The following LRRC8A variants were observed in gnomAD, a reference collection of about 807,000 sequenced individuals.
LRRC8A encodes volume-regulated anion channel subunit LRRC8A.
A neutral mutation model predicts 52.5 loss-of-function variants in LRRC8A; 24 were observed. That is an observed-to-expected ratio of 0.46 (90% CI 0.33 to 0.64). LRRC8A has a LOEUF of 0.64. LRRC8A is among the 30% of genes least tolerant of loss of function. The pLI, the probability that LRRC8A is intolerant of heterozygous loss-of-function variation, is 0.02. For missense variants in LRRC8A, 677 were observed against 1,094.7 expected (o/e 0.62, Z 5.38); for synonymous variants, 492 against 494.2 (o/e 1.00, Z 0.06).
At position 128,892,455 on chromosome 9, in the gene LRRC8A, G is replaced by T. The variant is rs1839661855; in HGVS notation, c.-9+6334G>T. Among the ~76,000 whole-genome samples the T allele has an allele frequency of 6.6e-6, 1 of 152,214 alleles. No homozygotes were observed. Among genetic ancestry groups the T allele is most frequent in the South Asian group, 2.1e-4 (1 of 4,836 alleles). On this transcript the variant is annotated intron_variant, in intron 2 of 3. Coordinates refer to ENST00000372600, the MANE Select transcript of LRRC8A (RefSeq NM_019594.4). The surrounding 1 kb of genome is among the most constrained non-coding windows in gnomAD (Gnocchi z 5.2). ...TGGGAGCCCAGCCCAGGTGAGAGCA[G>T]TTTGGAACTGACCCGTGCTCCCCTC...
In LRRC8A at chr9:128,908,440, G is replaced by A. The variant is rs996546896; in HGVS notation, c.1276G>A (p.Asp426Asn). The A allele has an allele frequency of 1.2e-6, 2 of 1,613,438 alleles. No homozygotes were observed. The highest frequency in any genetic ancestry group is 1.3e-5 in the African/African-American group (1 of 75,062). Residue 426 changes from aspartate to asparagine, a missense_variant, in exon 3 of 4, where the codon GAC (aspartate) becomes AAC (asparagine). This residue lies in a region of LRRC8A where 422 missense variants were observed against 741.5 expected (regional missense o/e 0.57). Transcript: ENST00000372600. Reference sequence around the variant, plus strand: ...GCAGCGGCTCACCAAGAACGCGCAGGACAAGCTGGAGCTGCACCTGTTCAT... The same window carrying A: ...GCAGCGGCTCACCAAGAACGCGCAGAACAAGCTGGAGCTGCACCTGTTCAT... ...LRQRLTKNAQ[D>N]KLELHLFMLS...
chr9:128,912,884 ATGG>A (rs1840619810), intron 3 of LRRC8A: 1 of 152,094 alleles, frequency 6.6e-6, no homozygotes, highest in African/African-American at 2.4e-5. Context: ...ACGGGAGTTG[ATGG>A]TGGGGGTGGT....
chr9:128,898,574 C>T (rs970414434), intron 2 of LRRC8A, among the ~76,000 whole-genome samples: 4 of 152,366 alleles, frequency 2.6e-5, no homozygotes, highest in Admixed American at 2.0e-4. Context: ...TCTCCACTTC[C>T]TGTTCACATC....
rs776483151 is a variant in LRRC8A, at chr9:128,899,314, C to T, written c.-8-7843C>T. The stretch of plus-strand genomic sequence containing the variant: ...AAGGCAGAGATAGCCCAGCCACCCC[C>T]ACCCCACGCCTCAAAGGCTCCCTTC... On this transcript the variant is annotated intron_variant, in intron 2 of 3. Transcript: ENST00000372600. The surrounding 1 kb of genome is among the most constrained non-coding windows in gnomAD (Gnocchi z 4.0). 6.6e-6 allele frequency among the ~76,000 whole-genome samples: 1 copy of T among 152,062 alleles called. No homozygotes were observed. The highest frequency in any genetic ancestry group is 1.9e-4 in the East Asian group (1 of 5,162).
intron 2 of LRRC8A, among the ~76,000 whole-genome samples, chr9:128,890,030 T>G (rs1369770446): frequency 6.6e-6 from 1 of 152,024 alleles, no homozygotes; most frequent in Non-Finnish European, 1.5e-5. Flanking sequence ...CTCGAACTCC[T>G]GACCTCAGGT....
chr9:128,913,399 G>A (rs1009365589), intron 3 of LRRC8A, among the ~76,000 whole-genome samples: 1 of 152,162 alleles, frequency 6.6e-6, no homozygotes, highest in Non-Finnish European at 1.5e-5. Context: ...AAGTCTCTGG[G>A]GAGGTAGGAG....
Position 128,908,638 on chromosome 9 carries a change from C to T in LRRC8A, c.1474C>T (p.Arg492Cys), listed in dbSNP as rs766833840. Residue 492 changes from arginine to cysteine, a missense_variant, in exon 3 of 4, where the codon CGT (arginine) becomes TGT (cysteine). Arg to Cys is a radical substitution (Grantham distance 180). This residue lies in a region of LRRC8A where 422 missense variants were observed against 741.5 expected (regional missense o/e 0.57). Transcript: ENST00000372600. Reference sequence around the variant, plus strand: ...TGAAGCGCCCGCGCTGGCCTTCCTGCGTGAGAACCTGCGGGCGCTGCACAT... The same window carrying T: ...TGAAGCGCCCGCGCTGGCCTTCCTGTGTGAGAACCTGCGGGCGCTGCACAT... ...KIEAPALAFL[R>C]ENLRALHIKF... is the part of the protein sequence containing the mutation. 1.9e-6 allele frequency: 3 copies of T among 1,612,676 alleles called. No homozygotes were observed. Among genetic ancestry groups the T allele is most frequent in the South Asian group, 1.1e-5 (1 of 91,066 alleles).
intron 2 of LRRC8A, among the ~76,000 whole-genome samples, chr9:128,889,053 C>G (rs1461986476): frequency 6.6e-6 from 1 of 152,120 alleles, no homozygotes; most frequent in Non-Finnish European, 1.5e-5. Context: ...ACAGACCAAG[C>G]CCCAGAGGGA....
intron 3 of LRRC8A, among the ~76,000 whole-genome samples, chr9:128,910,309 A>T (rs570409582): frequency 2.0e-5 from 3 of 152,156 alleles, no homozygotes; most frequent in Non-Finnish European, 4.4e-5. Flanking sequence ...CCAGCCAGCC[A>T]CCCTTCTGCC....
At chr9:128,901,590 G>A (rs925023546) in intron 2 of LRRC8A, among the ~76,000 whole-genome samples, 6 of 152,150 alleles carry the variant, frequency 3.9e-5, no homozygotes, top group African/African-American at 9.7e-5. Context: ...GCAAGACCCC[G>A]TCCCATTTAA....
rs996546896 is a variant in LRRC8A at position 128,908,440 on chromosome 9, G to C, written c.1276G>C (p.Asp426His). The C allele has an allele frequency of 6.2e-7, 1 of 1,613,438 alleles. No homozygotes were observed. The highest frequency in any genetic ancestry group is 8.5e-7 in the Non-Finnish European group (1 of 1,180,038). ...LRQRLTKNAQDKLELHLFMLS... is the reference protein window; with the variant it reads ...LRQRLTKNAQHKLELHLFMLS... ...GCAGCGGCTCACCAAGAACGCGCAG[G>C]ACAAGCTGGAGCTGCACCTGTTCAT... is the stretch of plus-strand genomic sequence containing the variant. Residue 426 changes from aspartate (D) to histidine (H), a missense_variant, in exon 3 of 4, where the codon GAC becomes CAC. This residue lies in a region of LRRC8A where 422 missense variants were observed against 741.5 expected (regional missense o/e 0.57). Coordinates refer to ENST00000372600, the MANE Select transcript of LRRC8A (RefSeq NM_019594.4).
chr9:128,898,480 C>T (rs1438487259), intron 2 of LRRC8A, among the ~76,000 whole-genome samples: 1 of 152,220 alleles, frequency 6.6e-6, no homozygotes, highest in Non-Finnish European at 1.5e-5. Context: ...CCCAACTTAA[C>T]TCTCGAATGC....
In LRRC8A at chr9:128,882,906, C is replaced by G. The variant is rs1839155196; in HGVS notation, c.-116+656C>G. ...AGTGAGGTCCAGGCCTGGTGCAGCC[C>G]TAGGTGAGCTGGATACCCAGCAAAC... On this transcript the variant is annotated intron_variant, in intron 1 of 3. Coordinates refer to ENST00000372600, the MANE Select transcript of LRRC8A (RefSeq NM_019594.4). The G allele has an allele frequency of 3.0e-5, 12 of 397,804 alleles. No individual in the cohort carries two copies. In the East Asian group the frequency reaches 4.3e-4, roughly 14 times the overall value. The allele number at this position is 397,804 out of a possible 1,614,324, so 24.6% of individuals were successfully genotyped here.
chr9:128,906,549 C>G (rs1354136520), intron 2 of LRRC8A, among the ~76,000 whole-genome samples: 1 of 152,118 alleles, frequency 6.6e-6, no homozygotes, highest in African/African-American at 2.4e-5. Flanking sequence ...TCTTGAACTT[C>G]TGACTTCAGG....
intron 2 of LRRC8A, among the ~76,000 whole-genome samples, chr9:128,895,621 G>T (rs1839793054): frequency 6.6e-6 from 1 of 152,178 alleles, no homozygotes; most frequent in Admixed American, 6.5e-5. Flanking sequence ...GCTGCCTTGT[G>T]GGAAGGGCCT....
At chr9:128,888,667 A>G (rs1281081267) in intron 2 of LRRC8A, among the ~76,000 whole-genome samples, 1 of 152,104 alleles carries the variant, frequency 6.6e-6, no homozygotes, top group Non-Finnish European at 1.5e-5. Context: ...CAGGCGTGGC[A>G]GCCTCGTTTT....
chr9:128,888,411 C>T (rs1217624534), intron 2 of LRRC8A, among the ~76,000 whole-genome samples: 1 of 152,126 alleles, frequency 6.6e-6, no homozygotes, highest in African/African-American at 2.4e-5. Context: ...GAGTCTGAGC[C>T]ATTGTTCTCC....
rs762650089 is a variant in LRRC8A, at chr9:128,883,696, C to T, written c.-116+1446C>T. Among the ~76,000 whole-genome samples the T allele has an allele frequency of 3.8e-4, 58 of 152,228 alleles. 1 individual carries two copies. The highest frequency in any genetic ancestry group is 1.3e-3 in the African/African-American group (56 of 41,540). ...GGGTACAGAGCAGGGGGTGCAGGGCCGGGCGTGGTGGCTCACGCCTGTAAT... is the reference window on the plus strand; with the variant it reads ...GGGTACAGAGCAGGGGGTGCAGGGCTGGGCGTGGTGGCTCACGCCTGTAAT... On this transcript the variant is annotated intron_variant, in intron 1 of 3. Transcript: ENST00000372600.
At chr9:128,897,286 C>T (rs1839854388) in intron 2 of LRRC8A, among the ~76,000 whole-genome samples, 2 of 152,058 alleles carry the variant, frequency 1.3e-5, no homozygotes, top group Admixed American at 6.6e-5. Context: ...GATCTTGGCT[C>T]ACTGTAGCCT....
Sources: gnomAD v4.1 joint callset for allele counts (sites outside exome capture counted in the v4.1 genomes callset) on GRCh38, gnomAD v4.1.1 for gene constraint, gnomAD v4.1.1 regional missense constraint, Gnocchi (gnomAD v3.1) non-coding constraint, MANE v1.5 for transcripts, NCBI Gene and HGNC (gene_info 2026-07-23, HGNC 2026-07-21) for gene names.